Variants in SLC26A5 observed in about 807,000 individuals in gnomAD.
SLC26A5 encodes the protein solute carrier family 26 member 5.
SLC26A5 carries 51 observed loss-of-function variants against 81.0 expected under a neutral mutation model. That is an observed-to-expected ratio of 0.63 (90% CI 0.50 to 0.80). SLC26A5 has a LOEUF of 0.80. Ranked by LOEUF, SLC26A5 falls within the 30% of genes least tolerant of loss-of-function variation. The probability of loss-of-function intolerance (pLI) is 0.00; values close to 1 mark genes in which losing one functional copy is unlikely to be tolerated. For synonymous variants in SLC26A5, 325 were observed against 332.8 expected, an observed-to-expected ratio of 0.98 and a Z score of 0.25; for missense variants, 771 against 905.8, an observed-to-expected ratio of 0.85 and a Z score of 1.91.
At chr7:103,408,882 C>A (rs1467728933) in intron 7 of SLC26A5, among the ~76,000 whole-genome samples, 1 of 152,220 alleles carries the variant, frequency 6.6e-6, no homozygotes, top group Non-Finnish European at 1.5e-5. Context: ...CAGCCCACAA[C>A]ATGCACCCTT....
chr7:103,362,381 T>C, intron 19 of SLC26A5: 2 of 1,338,616 alleles, frequency 1.5e-6, no homozygotes, highest in South Asian at 3.4e-5. Flanking sequence ...GTACTTGCTT[T>C]AGGATAGTTG....
rs778310722 is a variant in SLC26A5, at chr7:103,374,518, T to C, written c.2116A>G (p.Ile706Val). 6.8e-6 allele frequency: 11 copies of C among 1,613,918 alleles called. No individual in the cohort carries two copies. The East Asian group carries it at 2.2e-4, about 33-fold the overall frequency. Residue 706 changes from isoleucine (I) to valine (V), a missense_variant, in exon 20 of 20, where the codon ATT becomes GTT. Physicochemically the swap from Ile to Val is conservative, Grantham distance 29 (BLOSUM62 3). Transcript: ENST00000306312. ...PALWELLFHS[I>V]HDAVLGSQLR... ...TGGCTGCCTAAAACTGCATCATGAA[T>C]GCTGTGGAACAGCAGCTCCCATAGG...
chr7:103,384,491 A>G (rs530168641), intron 14 of SLC26A5, among the ~76,000 whole-genome samples: 1 of 152,104 alleles, frequency 6.6e-6, no homozygotes, highest in South Asian at 2.1e-4. Flanking sequence ...GGGCACCTGT[A>G]ATCCCAGCTA....
At chr7:103,387,557 T>C (rs1822292698) in intron 14 of SLC26A5, among the ~76,000 whole-genome samples, 1 of 152,194 alleles carries the variant, frequency 6.6e-6, no homozygotes, top group South Asian at 2.1e-4. Flanking sequence ...TGTAACTATA[T>C]GAGGTAGGAA....
chr7:103,353,495 C>T (rs1237138403), intron 19 of SLC26A5, among the ~76,000 whole-genome samples: 5 of 152,014 alleles, frequency 3.3e-5, no homozygotes, highest in African/African-American at 1.2e-4. Flanking sequence ...TTGGTAGAGA[C>T]GGGGTTTCGC....
At position 103,365,927 on chromosome 7, in the gene SLC26A5, C is replaced by CA. The variant is rs1158503720; in HGVS notation, c.2041+10880dup. 170 of 647,432 alleles carry CA rather than the reference C, an allele frequency of 2.6e-4. 1 individual carries two copies. Among genetic ancestry groups the CA allele is most frequent in the South Asian group, 1.0e-3 (46 of 46,162 alleles). The allele number at this position is 647,432 out of a possible 1,614,324, so 40.1% of individuals were successfully genotyped here. ...TGGGCGACAGAGGAAGACTCCATCT[C>CA]AAAAAAATAAAAAAATAAAAAACGT... On this transcript the variant is annotated intron_variant, in intron 19 of 19. Transcript: ENST00000339444.
chr7:103,434,293 C>T (rs1437812933), intron 2 of SLC26A5, among the ~76,000 whole-genome samples: 8 of 152,160 alleles, frequency 5.3e-5, no homozygotes. Context: ...AAAGCCATTG[C>T]TCTATTAAAA....
intron 2 of SLC26A5, among the ~76,000 whole-genome samples, chr7:103,435,851 T>G (rs1317314512): frequency 6.6e-6 from 1 of 152,198 alleles, no homozygotes; most frequent in Non-Finnish European, 1.5e-5. Context: ...CTTCCCCCTT[T>G]GTATCTTTTA....
chr7:103,425,553 AAATT>A (rs1436219194), intron 2 of SLC26A5, among the ~76,000 whole-genome samples: 1 of 152,218 alleles, frequency 6.6e-6, no homozygotes, highest in East Asian at 1.9e-4. Context: ...GATGTTGAAG[AAATT>A]AATACTGAAT....
chr7:103,410,847 T>C (rs1824431540), intron 6 of SLC26A5, among the ~76,000 whole-genome samples: 1 of 152,056 alleles, frequency 6.6e-6, no homozygotes, highest in African/African-American at 2.4e-5. Context: ...CCCAGGGTGG[T>C]CTCGAACTCC....
chr7:103,377,580 C>T lies in SLC26A5; in HGVS notation c.1986+19G>A, dbSNP rs749218483. ...CCAGGCATAGAGGTATTAAATGACT[C>T]GTTCAAGAGGATGCTTACCCCTGCC... On this transcript the variant is annotated intron_variant, in intron 18 of 19. Transcript: ENST00000306312. The T allele has an allele frequency of 3.5e-5, 57 of 1,611,014 alleles. No individual in the cohort carries two copies. Among genetic ancestry groups the T allele is most frequent in the Non-Finnish European group, 4.2e-5 (50 of 1,177,444 alleles).
chr7:103,362,835 C>T lies in SLC26A5; in HGVS notation c.2042-9909G>A, dbSNP rs537184147. ...TTTTGAGGCGGAGTTTCACTCTTGT[C>T]CAGGCTGGAGTAGAATGGTGTGATC... On this transcript the variant is annotated intron_variant, in intron 19 of 19. Coordinates refer to the SLC26A5 transcript ENST00000339444. 6.4e-5 allele frequency: 72 copies of T among 1,130,792 alleles called. No individual in the cohort carries two copies. In the East Asian group the frequency reaches 1.7e-3, roughly 27 times the overall value. 70.0% of individuals were successfully genotyped at this position (1,130,792 alleles called of 1,614,324 possible).
downstream of SLC26A5, among the ~76,000 whole-genome samples, chr7:103,373,693 C>A (rs1436051768): frequency 1.3e-5 from 2 of 151,980 alleles, no homozygotes; most frequent in East Asian, 1.9e-4. Flanking sequence ...GGTCTAAGAT[C>A]AAAAATGTGC....
chr7:103,395,808 C>T (rs917878871), intron 9 of SLC26A5, among the ~76,000 whole-genome samples: 5 of 151,846 alleles, frequency 3.3e-5, no homozygotes, highest in East Asian at 1.9e-4. Flanking sequence ...AGTCTGCCAC[C>T]GTGCCCGGCC....
At chr7:103,425,209 A>G (rs997541920) in intron 2 of SLC26A5, among the ~76,000 whole-genome samples, 1 of 152,182 alleles carries the variant, frequency 6.6e-6, no homozygotes, top group Non-Finnish European at 1.5e-5. Flanking sequence ...AAGCAGAGCA[A>G]TTATATTTAT....
chr7:103,412,115 C>T (rs79722280), intron 5 of SLC26A5, among the ~76,000 whole-genome samples: 3,378 of 152,248 alleles, frequency 0.022, 139 homozygotes, highest in African/African-American at 0.077. Context: ...CAGACCAGCC[C>T]TTCCCAAGTC....
chr7:103,425,841 C>T lies in SLC26A5; in HGVS notation c.-53-4274G>A, dbSNP rs543735781. Among the ~76,000 whole-genome samples the T allele has an allele frequency of 3.3e-5, 5 of 152,218 alleles. No homozygotes were observed. The South Asian group carries it at 8.3e-4, about 25-fold the overall frequency. On this transcript the variant is annotated intron_variant, in intron 2 of 19. Transcript: ENST00000306312. ...CTGGGCAGCTTTAAATACTGATGCC[C>T]GAGTCTATTTCCAGTGATTCTGATT...
chr7:103,404,131 C>T lies in SLC26A5; in HGVS notation c.888+3720G>A, dbSNP rs920630165. Among the ~76,000 whole-genome samples, 51 of 151,886 alleles carry T rather than the reference C, an allele frequency of 3.4e-4. 1 individual carries two copies. The highest frequency in any genetic ancestry group is 2.9e-3 in the Admixed American group (44 of 15,250). Reference sequence around the variant, plus strand: ...CCGGGAAGCGGAAGTTGCAGTGAACCGAGATCGCACCATTGCACTCCAGCC... The same window carrying T: ...CCGGGAAGCGGAAGTTGCAGTGAACTGAGATCGCACCATTGCACTCCAGCC... On this transcript the variant is annotated intron_variant, in intron 8 of 19. Coordinates refer to ENST00000306312, the MANE Select transcript of SLC26A5 (RefSeq NM_198999.3).
intron 2 of SLC26A5, among the ~76,000 whole-genome samples, chr7:103,437,659 T>C (rs1008495943): frequency 1.3e-5 from 2 of 152,210 alleles, no homozygotes; most frequent in East Asian, 3.8e-4. Context: ...GAGGATATGA[T>C]GCTATGTGAA....
Sources: allele counts gnomAD v4.1 joint callset (sites outside exome capture counted in the v4.1 genomes callset), GRCh38; gene constraint gnomAD v4.1.1; transcripts MANE v1.5; gene names NCBI Gene and HGNC (gene_info 2026-07-23, HGNC 2026-07-21).